Variants in LRBA observed in about 807,000 individuals in gnomAD.
LRBA encodes the protein lipopolysaccharide-responsive and beige-like anchor protein.
Under a neutral mutation model 330.0 loss-of-function variants are expected in LRBA, and 176 were observed. The observed-to-expected ratio is 0.53, with a 90% confidence interval of 0.47 to 0.60. The LOEUF (loss-of-function observed/expected upper bound fraction) is 0.60. Ranked by LOEUF, LRBA falls within the 20% of genes least tolerant of loss-of-function variation. The pLI is 0.00. For missense variants in LRBA, 3,259 were observed against 3,444.8 expected, an observed-to-expected ratio of 0.95 and a Z score of 1.35; for synonymous variants, 1,230 against 1,193.0, an observed-to-expected ratio of 1.03 and a Z score of -0.64.
intron 34 of LRBA, among the ~76,000 whole-genome samples, chr4:150,794,376 T>C (rs1272921649): frequency 6.6e-6 from 1 of 151,894 alleles, no homozygotes; most frequent in Non-Finnish European, 1.5e-5. Context: ...TAGAAAAGAA[T>C]ATTAATATCA....
intron 47 of LRBA, among the ~76,000 whole-genome samples, chr4:150,384,895 G>C (rs1742831956): frequency 1.3e-5 from 2 of 152,176 alleles, no homozygotes; most frequent in African/African-American, 2.4e-5. Flanking sequence ...TTGTCCTGTA[G>C]ATTTTGTTGG....
intron 47 of LRBA, among the ~76,000 whole-genome samples, chr4:150,409,423 T>TC (rs1746644882): frequency 1.3e-5 from 2 of 152,156 alleles, no homozygotes; most frequent in African/African-American, 4.8e-5. Flanking sequence ...GTCCTTCCTT[T>TC]CCCCACAGTT....
chr4:150,896,162 A>G (rs1730057743), intron 16 of LRBA, among the ~76,000 whole-genome samples: 1 of 152,160 alleles, frequency 6.6e-6, no homozygotes, highest in Non-Finnish European at 1.5e-5. Context: ...TATTAATTCA[A>G]TGAAATCTAA....
intron 2 of LRBA, among the ~76,000 whole-genome samples, chr4:150,997,858 C>T (rs1480863538): frequency 6.6e-6 from 1 of 151,896 alleles, no homozygotes; most frequent in African/African-American, 2.4e-5. Context: ...CGCACACCAC[C>T]ACGCCCAGTT....
rs1258271882 is a variant in LRBA, at chr4:150,908,665, G to A, written c.1354C>T (p.Leu452Phe). The A allele has an allele frequency of 6.2e-7, 1 of 1,611,638 alleles. No individual in the cohort carries two copies. Among genetic ancestry groups the A allele is most frequent in the African/African-American group, 1.3e-5 (1 of 74,856 alleles). ...TAAAAGATCACAGTTAGTACCTGGA[G>A]CATGAGTGCATGTGGTGAATGAACA... ...IFVHSPHALMLQDVKAVLTHS... is the reference protein window; with the variant it reads ...IFVHSPHALMFQDVKAVLTHS... Residue 452 changes from leucine to phenylalanine, a missense_variant, in exon 10 of 57, where the codon CTC becomes TTC. Transcript: ENST00000651943.
At position 150,507,066 on chromosome 4, in the gene LRBA, T is replaced by G. The variant is rs554769547; in HGVS notation, c.6331-16031A>C. Among the ~76,000 whole-genome samples the G allele has an allele frequency of 7.9e-3, 1,192 of 151,236 alleles. 12 individuals carry two copies. The highest frequency in any genetic ancestry group is 0.027 in the African/African-American group (1,115 of 41,190). ...AGGAGAACTACAAACCACTGCTCAATGAAATAAAAGAGGATACAAACAAAT... is the reference window on the plus strand; with the variant it reads ...AGGAGAACTACAAACCACTGCTCAAGGAAATAAAAGAGGATACAAACAAAT... On this transcript the variant is annotated intron_variant, in intron 40 of 56. Transcript: ENST00000651943.
At chr4:150,527,635 A>G (rs1231189918) in intron 40 of LRBA, among the ~76,000 whole-genome samples, 1 of 152,196 alleles carries the variant, frequency 6.6e-6, no homozygotes, top group East Asian at 1.9e-4. Context: ...AGAATGGATG[A>G]TAACTAAAAT....
intron 40 of LRBA, among the ~76,000 whole-genome samples, chr4:150,531,553 G>A (rs1764058275): frequency 6.6e-6 from 1 of 152,140 alleles, no homozygotes; most frequent in African/African-American, 2.4e-5. Flanking sequence ...AACAAGAGGA[G>A]AAGATTGTCC....
chr4:150,555,898 GTCCAGCCAATCC>G (rs1311452394), intron 40 of LRBA, among the ~76,000 whole-genome samples: 1 of 151,962 alleles, frequency 6.6e-6, no homozygotes, highest in Non-Finnish European at 1.5e-5. Context: ...AATCTCCTGG[GTCCAGCCAATCC>G]TCCCAAGTCA....
At chr4:150,591,184 C>T (rs746106859) in intron 38 of LRBA, among the ~76,000 whole-genome samples, 34 of 152,104 alleles carry the variant, frequency 2.2e-4, no homozygotes, top group Non-Finnish European at 4.1e-4. Flanking sequence ...TTAATAGGAA[C>T]AATCAAATCC....
intron 33 of LRBA, among the ~76,000 whole-genome samples, chr4:150,798,544 C>T (rs879780404): frequency 4.6e-5 from 7 of 152,126 alleles, no homozygotes; most frequent in Non-Finnish European, 7.4e-5. Flanking sequence ...CCCTTCAACC[C>T]TCTAGCTATC....
At chr4:150,540,489 C>T (rs1251678050) in intron 40 of LRBA, among the ~76,000 whole-genome samples, 1 of 152,122 alleles carries the variant, frequency 6.6e-6, no homozygotes, top group East Asian at 1.9e-4. Flanking sequence ...GCCACCAGCG[C>T]CCAGCCAACA....
chr4:150,544,118 T>C (rs1765600822), intron 40 of LRBA, among the ~76,000 whole-genome samples: 2 of 151,760 alleles, frequency 1.3e-5, no homozygotes, highest in Non-Finnish European at 2.9e-5. Context: ...CAAACATAAT[T>C]CTTCCTTTCT....
At chr4:150,612,693 G>A (rs1203871449) in intron 37 of LRBA, among the ~76,000 whole-genome samples, 5 of 152,096 alleles carry the variant, frequency 3.3e-5, no homozygotes, top group African/African-American at 1.2e-4. Flanking sequence ...GCTACCGTGT[G>A]GAAAGAACTG....
At chr4:150,474,215 G>A (rs1229406281) in intron 42 of LRBA, among the ~76,000 whole-genome samples, 1 of 152,084 alleles carries the variant, frequency 6.6e-6, no homozygotes, top group Non-Finnish European at 1.5e-5. Flanking sequence ...TCCACCAATT[G>A]TTTAAAGCCT....
chr4:150,565,301 C>G (rs948844521), intron 40 of LRBA, among the ~76,000 whole-genome samples: 2 of 152,070 alleles, frequency 1.3e-5, no homozygotes, highest in South Asian at 4.1e-4. Flanking sequence ...TATGAGAACA[C>G]ATGGACACAG....
chr4:150,271,054 G>T (rs1051301865), intron 56 of LRBA, among the ~76,000 whole-genome samples: 1 of 152,178 alleles, frequency 6.6e-6, no homozygotes, highest in African/African-American at 2.4e-5. Context: ...AGCCCACGGA[G>T]GGCAAGCCGA....
intron 37 of LRBA, among the ~76,000 whole-genome samples, chr4:150,607,979 G>A (rs1400127241): frequency 6.6e-6 from 1 of 152,186 alleles, no homozygotes; most frequent in Admixed American, 6.5e-5. Context: ...AAGTTGCAGT[G>A]AGCCAAGATC....
At chr4:150,655,836 T>C (rs1780130403) in intron 37 of LRBA, among the ~76,000 whole-genome samples, 1 of 152,230 alleles carries the variant, frequency 6.6e-6, no homozygotes, top group African/African-American at 2.4e-5. Context: ...TTAATAAAAA[T>C]CATGGTGACA....
Sources: gnomAD v4.1 joint callset for allele counts (sites outside exome capture counted in the v4.1 genomes callset) on GRCh38, gnomAD v4.1.1 for gene constraint, MANE v1.5 for transcripts, NCBI Gene and HGNC (gene_info 2026-07-23, HGNC 2026-07-21) for gene names.